The following CEP72 variants were observed in gnomAD, a reference collection of about 807,000 sequenced individuals.
CEP72 encodes the protein centrosomal protein of 72 kDa.
In CEP72, 78 loss-of-function variants were observed where a neutral mutation model predicts 65.7. The observed-to-expected ratio is 1.19, with a 90% CI of 0.99 to 1.43. The LOEUF is 1.43. Among genes scored for constraint, CEP72 ranks in the 40% most tolerant of loss-of-function variants. CEP72 has a pLI of 0.00. For missense variants in CEP72, 914 were observed against 832.9 expected (o/e 1.10, Z -1.20); for synonymous variants, 358 against 351.7 (o/e 1.02, Z -0.20).
chr5:618,742 A>T (rs147923717), intron 1 of CEP72, among the ~76,000 whole-genome samples: 493 of 152,254 alleles, frequency 3.2e-3, no homozygotes, highest in Non-Finnish European at 5.7e-3. Flanking sequence ...GTGAGCAGAC[A>T]CCACCTATGG....
In CEP72 at chr5:644,243, A is replaced by T. The variant is rs1229978568; in HGVS notation, c.1540-56A>T. On this transcript the variant is annotated intron_variant, in intron 9 of 11. Transcript: ENST00000264935. ...TTCTCAGGTTTCAGTTTTACTTTCT[A>T]TACGCATTTTACTGAATTTGACTTG... 3.1e-6 allele frequency: 5 copies of T among 1,588,290 alleles called. No individual in the cohort carries two copies. In the South Asian group the frequency reaches 5.7e-5, roughly 18 times the overall value.
chr5:615,130 T>A (rs895499592), intron 1 of CEP72, among the ~76,000 whole-genome samples: 4 of 121,804 alleles, frequency 3.3e-5, no homozygotes, highest in African/African-American at 1.2e-4. Context: ...TATGTAGTCT[T>A]CCTCTTTTTT....
intron 11 of CEP72, among the ~76,000 whole-genome samples, chr5:648,628 G>A (rs1254911375): frequency 7.3e-6 from 1 of 137,726 alleles, no homozygotes; most frequent in Non-Finnish European, 1.6e-5. Context: ...GGACTGTGAG[G>A]CGTGGACTGT....
chr5:667,703 G>GA (rs950555528), downstream of CEP72, among the ~76,000 whole-genome samples: 44 of 151,264 alleles, frequency 2.9e-4, no homozygotes, highest in African/African-American at 9.3e-4. Context: ...TCAGCAGTAA[G>GA]AAAAAAAATC....
At chr5:663,558 T>TTCTGC in exon 2 of CEP72, 2 of 152,590 alleles carry the variant, frequency 1.3e-5, no homozygotes, top group Admixed American at 1.3e-4. Flanking sequence ...GCCCTGGGGC[T>TTCTGC]TCTGCTCTGC....
chr5:626,775 C>T (rs1006156440), intron 4 of CEP72, among the ~76,000 whole-genome samples: 5 of 152,174 alleles, frequency 3.3e-5, no homozygotes, highest in South Asian at 2.1e-4. Context: ...GAGCTATGAT[C>T]GCACCACTGC....
intron 1 of CEP72, among the ~76,000 whole-genome samples, chr5:614,747 C>G (rs1735885848): frequency 6.6e-6 from 1 of 152,088 alleles, no homozygotes; most frequent in Non-Finnish European, 1.5e-5. Flanking sequence ...CCATTATGGC[C>G]AGAACATAAT....
chr5:614,852 G>A (rs1270701645), intron 1 of CEP72, among the ~76,000 whole-genome samples: 1 of 152,148 alleles, frequency 6.6e-6, no homozygotes, highest in Admixed American at 6.5e-5. Context: ...ACTTGAGTGT[G>A]TGTGTATTCT....
At chr5:665,943 C>G (rs1175130998) in exon 4 of CEP72, 1 of 1,493,340 alleles carries the variant, frequency 6.7e-7, no homozygotes, top group South Asian at 1.3e-5. Flanking sequence ...CCCTCCAGGC[C>G]CCGCCTTCCA....
chr5:642,518 A>G (rs955224217), intron 9 of CEP72: 12 of 985,358 alleles, frequency 1.2e-5, no homozygotes, highest in Non-Finnish European at 1.4e-5. Flanking sequence ...TGAGCCTGGG[A>G]CGAGACAGAG....
At chr5:612,621 T>A (rs1735745043) in intron 1 of CEP72, 178 bp downstream of exon 1, 10 of 985,322 alleles carry the variant, frequency 1.0e-5, no homozygotes, top group Non-Finnish European at 1.2e-5. Flanking sequence ...CCACCCCCCG[T>A]GCCCAGGTGC....
chr5:654,145 G>A (rs540003803), downstream of CEP72, among the ~76,000 whole-genome samples: 3 of 146,514 alleles, frequency 2.0e-5, no homozygotes, highest in Admixed American at 6.8e-5. Context: ...AGCTGTGTGC[G>A]CTTGCTGTGT....
At chr5:666,187 TG>T (rs1739906115) in intron 4 of CEP72, 1 of 1,571,648 alleles carries the variant, frequency 6.4e-7, no homozygotes, top group East Asian at 2.3e-5. Context: ...TCCCCACGCG[TG>T]GGTCTGAGCA....
At chr5:616,713 C>T (rs1300627892) in intron 1 of CEP72, among the ~76,000 whole-genome samples, 5 of 152,108 alleles carry the variant, frequency 3.3e-5, no homozygotes, top group Non-Finnish European at 5.9e-5. Flanking sequence ...GGCACCACCT[C>T]GTTCTAGCCA....
intron 4 of CEP72, among the ~76,000 whole-genome samples, chr5:627,651 A>T (rs79380311): frequency 6.6e-6 from 1 of 152,036 alleles, no homozygotes; most frequent in East Asian, 1.9e-4. Flanking sequence ...TTTGTCTGCC[A>T]TTTTTTGCTG....
chr5:649,865 C>CTG (rs142053577), intron 11 of CEP72, among the ~76,000 whole-genome samples: 841 of 4,034 alleles, frequency 0.21, 33 homozygotes, highest in Middle Eastern at 0.5. Flanking sequence ...TGAGGCGTGA[C>CTG]TGAGGTGTGG....
intron 9 of CEP72, chr5:643,262 A>G (rs1738177432): frequency 2.0e-6 from 2 of 985,438 alleles, no homozygotes; most frequent in Non-Finnish European, 2.4e-6. Context: ...AGCTCACCGC[A>G]TCCTTGGGAG....
At chr5:638,356 C>T (rs1429335842) in intron 7 of CEP72, among the ~76,000 whole-genome samples, 1 of 152,114 alleles carries the variant, frequency 6.6e-6, no homozygotes, top group Non-Finnish European at 1.5e-5. Context: ...ACAACTGGCG[C>T]AGGCCCAGTC....
rs762594077 is a variant in CEP72, at chr5:644,415, G to T, written c.1656G>T (p.Leu552Phe). Residue 552 changes from leucine to phenylalanine, a missense_variant, in exon 10 of 12, where the codon TTG becomes TTT. Leu to Phe is a conservative substitution (Grantham distance 22). Coordinates refer to ENST00000264935, the MANE Select transcript of CEP72 (RefSeq NM_018140.4). Reference protein sequence around the residue: ...KSADTAATLNLQIAGLQTSVK... With the variant: ...KSADTAATLNFQIAGLQTSVK... ...CAGACACTGCAGCCACGTTAAATTT[G>T]CAGATCGCTGGTAAGTTGATCGTGT... The T allele has an allele frequency of 2.5e-6, 4 of 1,613,698 alleles. No individual in the cohort carries two copies. Among genetic ancestry groups the T allele is most frequent in the Admixed American group, 1.7e-5 (1 of 59,998 alleles).
Sources: gnomAD v4.1 joint callset for allele counts (sites outside exome capture counted in the v4.1 genomes callset) on GRCh38, gnomAD v4.1.1 for gene constraint, MANE v1.5 for transcripts, NCBI Gene and HGNC (gene_info 2026-07-23, HGNC 2026-07-21) for gene names.